Variants in SLC71A2 observed in about 807,000 individuals in gnomAD.
The protein encoded by SLC71A2 is hippocampus abundant transcript-like 1.
At chr9:94,420,878 A>G in the SLC71A2 span, among the ~76,000 whole-genome samples, 1 of 152,158 alleles carries the variant, frequency 6.6e-6, no homozygotes, top group African/African-American at 2.4e-5. Flanking sequence ...CAGCCTGGGC[A>G]GCAGAGTGAG....
the SLC71A2 span, chr9:94,458,196 C>T: frequency 4.8e-6 from 3 of 621,016 alleles, no homozygotes; most frequent in African/African-American, 5.5e-5. Flanking sequence ...CTTTCATTAG[C>T]ATGCTTTCTC....
At chr9:94,450,158 A>G in the SLC71A2 span, among the ~76,000 whole-genome samples, 1 of 152,178 alleles carries the variant, frequency 6.6e-6, no homozygotes, top group Non-Finnish European at 1.5e-5. Flanking sequence ...TGGATATACT[A>G]AAACCATTGA....
chr9:94,380,274 A>G, the SLC71A2 span, among the ~76,000 whole-genome samples: 1 of 151,918 alleles, frequency 6.6e-6, no homozygotes, highest in South Asian at 2.1e-4. Context: ...CTTTCTCAAA[A>G]AAAAAAAAGA....
the SLC71A2 span, among the ~76,000 whole-genome samples, chr9:94,455,389 T>TTTTTTTC: frequency 2.8e-5 from 4 of 140,780 alleles, no homozygotes; most frequent in African/African-American, 1.1e-4. Context: ...TTTTTTTTTT[T>TTTTTTTC]TTTTTTTTTG....
At chr9:94,428,950 TTTCACTTAAC>T in the SLC71A2 span, among the ~76,000 whole-genome samples, 1 of 151,856 alleles carries the variant, frequency 6.6e-6, no homozygotes, top group Admixed American at 6.6e-5. Flanking sequence ...GATTGGTTTG[TTTCACTTAAC>T]TATGTGCATT....
At chr9:94,399,070 C>T in the SLC71A2 span, among the ~76,000 whole-genome samples, 1 of 152,098 alleles carries the variant, frequency 6.6e-6, no homozygotes, top group Admixed American at 6.6e-5. Flanking sequence ...CCCACCTTGG[C>T]CTCCCAGAGT....
chr9:94,407,526 G>A, the SLC71A2 span, among the ~76,000 whole-genome samples: 16 of 152,046 alleles, frequency 1.1e-4, 1 homozygote, highest in Middle Eastern at 6.8e-3. Flanking sequence ...TTACAGGCAC[G>A]CACTACCACG....
chr9:94,381,370 AT>A, the SLC71A2 span, among the ~76,000 whole-genome samples: 1 of 138,886 alleles, frequency 7.2e-6, no homozygotes, highest in Non-Finnish European at 1.6e-5. Flanking sequence ...TTTTTTTGTT[AT>A]TTTATAAATA....
At chr9:94,435,875 TC>T in the SLC71A2 span, among the ~76,000 whole-genome samples, 2 of 152,084 alleles carry the variant, frequency 1.3e-5, no homozygotes, top group African/African-American at 4.8e-5. Context: ...GGTCTTGAAC[TC>T]CTGACCTCAG....
At chr9:94,446,614 T>G in the SLC71A2 span, among the ~76,000 whole-genome samples, 73 of 152,234 alleles carry the variant, frequency 4.8e-4, no homozygotes, top group African/African-American at 1.6e-3. Flanking sequence ...TTTTTTGCTT[T>G]TTTTTTTAGC....
chr9:94,401,298 A>G, the SLC71A2 span, among the ~76,000 whole-genome samples: 13 of 152,036 alleles, frequency 8.6e-5, no homozygotes, highest in African/African-American at 3.1e-4. Flanking sequence ...CAGCCTCCCA[A>G]GTAGCTGGGA....
At chr9:94,425,239 G>A in the SLC71A2 span, among the ~76,000 whole-genome samples, 1 of 152,110 alleles carries the variant, frequency 6.6e-6, no homozygotes, top group Non-Finnish European at 1.5e-5. Context: ...GGGAGGTGGA[G>A]GTTGTGGTGA....
the SLC71A2 span, among the ~76,000 whole-genome samples, chr9:94,421,804 A>G: frequency 6.6e-6 from 1 of 152,084 alleles, no homozygotes; most frequent in African/African-American, 2.4e-5. Context: ...GTAGCTGGTC[A>G]TTCATTGTGT....
At chr9:94,384,336 CTTTTTTTT>C in the SLC71A2 span, among the ~76,000 whole-genome samples, 2 of 133,296 alleles carry the variant, frequency 1.5e-5, no homozygotes, top group African/African-American at 2.7e-5. Flanking sequence ...TCAAATTTTC[CTTTTTTTT>C]TTTTTTTTTG....
the SLC71A2 span, among the ~76,000 whole-genome samples, chr9:94,412,114 T>C: frequency 6.6e-6 from 1 of 152,260 alleles, no homozygotes; most frequent in South Asian, 2.1e-4. Flanking sequence ...TTTTGAACTT[T>C]TAATGTCTGA....
chr9:94,394,259 A>G, the SLC71A2 span, among the ~76,000 whole-genome samples: 4 of 109,528 alleles, frequency 3.7e-5, no homozygotes. Flanking sequence ...GAAAATTTTT[A>G]TAATTTTTAT....
At chr9:94,397,979 C>T in the SLC71A2 span, among the ~76,000 whole-genome samples, 6 of 152,230 alleles carry the variant, frequency 3.9e-5, no homozygotes, top group African/African-American at 9.6e-5. Flanking sequence ...GTGCAGCCCA[C>T]GCTTTCAGAA....
At chr9:94,445,619 AAT>A in the SLC71A2 span, among the ~76,000 whole-genome samples, 2 of 152,078 alleles carry the variant, frequency 1.3e-5, no homozygotes, top group Non-Finnish European at 1.5e-5. Flanking sequence ...TGTTTTCTAT[AAT>A]ATGTCTCTCT....
the SLC71A2 span, among the ~76,000 whole-genome samples, chr9:94,383,872 T>C: frequency 6.6e-6 from 1 of 152,018 alleles, no homozygotes; most frequent in Non-Finnish European, 1.5e-5. Flanking sequence ...GATTATTCCG[T>C]TTCATATTTC....
Sources: allele counts gnomAD v4.1 joint callset (sites outside exome capture counted in the v4.1 genomes callset), GRCh38; gene constraint gnomAD v4.1.1; transcripts MANE v1.5; gene names NCBI Gene and HGNC (gene_info 2026-07-23, HGNC 2026-07-21).